Variants in PCDH15 observed in about 807,000 individuals in gnomAD.
The protein encoded by PCDH15 is protocadherin related 15, also known as protocadherin-15.
PCDH15 carries 129 observed loss-of-function variants against 178.5 expected under a neutral mutation model. That is an observed-to-expected ratio of 0.72 (90% confidence interval 0.63 to 0.84). The LOEUF is 0.84. Among genes scored for constraint, PCDH15 ranks in the 40% least tolerant of loss-of-function variants. PCDH15 has a pLI of 0.00. For missense variants in PCDH15, 2,230 were observed against 2,099.9 expected, an observed-to-expected ratio of 1.06 and a Z score of -1.21; for synonymous variants, 800 against 732.0, an observed-to-expected ratio of 1.09 and a Z score of -1.50.
At chr10:54,658,763 T>C (rs750314299) in intron 2 of PCDH15, among the ~76,000 whole-genome samples, 2 of 152,064 alleles carry the variant, frequency 1.3e-5, no homozygotes, top group African/African-American at 4.8e-5. Flanking sequence ...CTAACAACAA[T>C]ATGACAGGAA....
At chr10:54,512,861 C>A (rs2081845741) in intron 3 of PCDH15, among the ~76,000 whole-genome samples, 1 of 151,870 alleles carries the variant, frequency 6.6e-6, no homozygotes, top group Non-Finnish European at 1.5e-5. Flanking sequence ...TCTAACTTCC[C>A]TTAAAGCCTA....
chr10:55,574,387 A>C (rs562639745), intron 2 of PCDH15, among the ~76,000 whole-genome samples: 11 of 152,154 alleles, frequency 7.2e-5, no homozygotes, highest in Admixed American at 4.6e-4. Flanking sequence ...CATAGATCTT[A>C]GTATCCTAAC....
At chr10:55,621,020 T>C (rs1293439102) in intron 2 of PCDH15, among the ~76,000 whole-genome samples, 4 of 151,804 alleles carry the variant, frequency 2.6e-5, no homozygotes, top group Non-Finnish European at 5.9e-5. Context: ...TCTGAATATA[T>C]ATATATTATG....
At chr10:54,089,741 T>C (rs1186556694) in intron 16 of PCDH15, among the ~76,000 whole-genome samples, 2 of 152,196 alleles carry the variant, frequency 1.3e-5, no homozygotes, top group Non-Finnish European at 1.5e-5. Flanking sequence ...ATCCCAGTTG[T>C]GCCTTCCAAT....
intron 18 of PCDH15, among the ~76,000 whole-genome samples, chr10:54,038,688 C>G (rs930518085): frequency 1.1e-4 from 16 of 151,928 alleles, no homozygotes; most frequent in Non-Finnish European, 2.2e-4. Context: ...ACTCCTTCAT[C>G]CCTACATCAC....
chr10:54,893,352 G>A (rs184482385), intron 3 of PCDH15, among the ~76,000 whole-genome samples: 32 of 152,100 alleles, frequency 2.1e-4, no homozygotes, highest in Non-Finnish European at 3.7e-4. Flanking sequence ...ACCATTGATT[G>A]AATATACTAT....
At position 53,838,000 on chromosome 10, in the gene PCDH15, A is replaced by G. The variant is rs576299993; in HGVS notation, c.3983+2320T>C. 6.4e-4 allele frequency among the ~76,000 whole-genome samples: 95 copies of G among 147,612 alleles called. No homozygotes were observed. The East Asian group carries it at 0.01, about 16-fold the overall frequency. On this transcript the variant is annotated intron_variant, in intron 29 of 37. Coordinates refer to ENST00000644397, the MANE Select transcript of PCDH15 (RefSeq NM_001384140.1). ...TTTATTTATTTATTTATTTAGAGGCAGAGTCTTGCTCTCTTGCCCAGGATG... is the reference window on the plus strand; with the variant it reads ...TTTATTTATTTATTTATTTAGAGGCGGAGTCTTGCTCTCTTGCCCAGGATG...
chr10:54,724,905 TATA>T (rs1566046999), intron 1 of PCDH15, among the ~76,000 whole-genome samples: 4 of 8,762 alleles, frequency 4.6e-4, no homozygotes, highest in Non-Finnish European at 2.4e-3. Flanking sequence ...TACATATATA[TATA>T]GATATAGATA....
chr10:55,182,408 G>A (rs1417009565), intron 1 of PCDH15, among the ~76,000 whole-genome samples: 2 of 151,816 alleles, frequency 1.3e-5, no homozygotes, highest in Non-Finnish European at 2.9e-5. Flanking sequence ...ACTTGCTCAT[G>A]AATACAACAT....
At chr10:54,169,282 G>C (rs55719778) in intron 13 of PCDH15, among the ~76,000 whole-genome samples, 690 of 38,946 alleles carry the variant, frequency 0.018, 79 homozygotes, top group African/African-American at 0.031. Flanking sequence ...GCCGAGCTTC[G>C]GGTAACTCTC....
intron 2 of PCDH15, among the ~76,000 whole-genome samples, chr10:54,550,768 T>TA (rs2086482033): frequency 6.6e-6 from 1 of 152,208 alleles, no homozygotes; most frequent in Admixed American, 6.5e-5. Flanking sequence ...TTATAATCTT[T>TA]TAATGCTAGG....
intron 2 of PCDH15, chr10:54,568,793 A>C (rs2089394761): frequency 1.3e-5 from 2 of 152,094 alleles, no homozygotes; most frequent in Admixed American, 6.6e-5. Context: ...TTTCTATTTT[A>C]AATATATAGA....
chr10:54,028,946 A>AT (rs1170167725), intron 18 of PCDH15, among the ~76,000 whole-genome samples: 2 of 132,992 alleles, frequency 1.5e-5, no homozygotes, highest in South Asian at 2.3e-4. Context: ...AATAATAATA[A>AT]AAAAAAGACT....
chr10:54,155,866 T>C (rs190969428), intron 13 of PCDH15, among the ~76,000 whole-genome samples: 3 of 151,752 alleles, frequency 2.0e-5, no homozygotes, highest in Non-Finnish European at 4.4e-5. Context: ...GTCTATTAGA[T>C]GATGTTGAAT....
rs184600263 is a variant in PCDH15 at position 55,135,208 on chromosome 10, A to G, written c.-80+31368T>C. Among the ~76,000 whole-genome samples the G allele has an allele frequency of 5.8e-4, 89 of 152,306 alleles. 3 individuals are homozygous for G. The East Asian group carries it at 0.015, about 25-fold the overall frequency. The stretch of plus-strand genomic sequence containing the variant: ...TATCATCTTAAAGAACTCAACTAGT[A>G]TCATAATAAGAATTATAAATAATAT... On this transcript the variant is annotated intron_variant, in intron 2 of 5. Coordinates refer to the PCDH15 transcript ENST00000458638.
At chr10:55,594,074 T>TA (rs1842896129) in intron 2 of PCDH15, among the ~76,000 whole-genome samples, 2 of 151,964 alleles carry the variant, frequency 1.3e-5, no homozygotes, top group African/African-American at 2.4e-5. Flanking sequence ...ACTTTTTCTC[T>TA]ATTCTTGTCA....
chr10:55,368,000 A>G (rs142304339), intron 2 of PCDH15, among the ~76,000 whole-genome samples: 125 of 152,304 alleles, frequency 8.2e-4, no homozygotes, highest in African/African-American at 2.8e-3. Context: ...TTCTTTTGAC[A>G]GATAAATATT....
chr10:54,999,474 A>T (rs1156990217), intron 2 of PCDH15, among the ~76,000 whole-genome samples: 1 of 152,186 alleles, frequency 6.6e-6, no homozygotes, highest in Non-Finnish European at 1.5e-5. Flanking sequence ...GGAAAAACTG[A>T]TATGGTTACA....
At chr10:54,697,249 T>G (rs2135890107) in intron 1 of PCDH15, among the ~76,000 whole-genome samples, 1 of 152,174 alleles carries the variant, frequency 6.6e-6, no homozygotes, top group African/African-American at 2.4e-5. Context: ...TGTTTTAGCT[T>G]ATATATACTT....
Sources: allele counts gnomAD v4.1 joint callset (sites outside exome capture counted in the v4.1 genomes callset), GRCh38; gene constraint gnomAD v4.1.1; transcripts MANE v1.5; gene names NCBI Gene and HGNC (gene_info 2026-07-23, HGNC 2026-07-21).